The following LRBA variants were observed in gnomAD, a reference collection of about 807,000 sequenced individuals.
LRBA encodes lipopolysaccharide-responsive and beige-like anchor protein.
A neutral mutation model predicts 330.0 loss-of-function variants in LRBA; 176 were observed. That is an observed-to-expected ratio of 0.53 (90% CI 0.47 to 0.60). The LOEUF is 0.60. LRBA is among the 20% of genes least tolerant of loss of function. The pLI is 0.00. For missense variants in LRBA, 3,259 were observed against 3,444.8 expected (o/e 0.95, Z 1.35); for synonymous variants, 1,230 against 1,193.0 (o/e 1.03, Z -0.64).
chr4:150,464,265 T>C (rs557735650), intron 44 of LRBA, among the ~76,000 whole-genome samples: 4 of 152,208 alleles, frequency 2.6e-5, no homozygotes, highest in South Asian at 2.1e-4. Flanking sequence ...TATTCATATA[T>C]ATGTCATTCA....
rs528122763 is a variant in LRBA at position 150,351,431 on chromosome 4, T to C, written c.7195-1272A>G. Among the ~76,000 whole-genome samples, 17 of 152,298 alleles carry C rather than the reference T, an allele frequency of 1.1e-4. No homozygotes were observed. In the South Asian group the frequency reaches 1.4e-3, roughly 13 times the overall value. ...TAGGCCGGGCACGGTGGTTCATGCC[T>C]GTAATCCCAGCACTTTGGGAGGCTG... On this transcript the variant is annotated intron_variant, in intron 47 of 56. Transcript: ENST00000651943.
intron 28 of LRBA, chr4:150,840,400 C>T (rs1264387163): frequency 6.6e-6 from 1 of 152,190 alleles, no homozygotes; most frequent in African/African-American, 2.4e-5. Context: ...GAGAGACATG[C>T]AACTTTTCCT....
At chr4:150,719,451 T>G (rs187823507) in intron 36 of LRBA, among the ~76,000 whole-genome samples, 2 of 152,194 alleles carry the variant, frequency 1.3e-5, no homozygotes, top group Admixed American at 6.5e-5. Flanking sequence ...CAATTACATA[T>G]TTTTTCCTTC....
At chr4:150,523,265 A>G (rs1312663073) in intron 40 of LRBA, among the ~76,000 whole-genome samples, 1 of 152,082 alleles carries the variant, frequency 6.6e-6, no homozygotes, top group Non-Finnish European at 1.5e-5. Context: ...CTTAATCTCT[A>G]TTGTATTGGG....
At chr4:150,873,965 A>C (rs1753727715) in intron 17 of LRBA, among the ~76,000 whole-genome samples, 1 of 152,202 alleles carries the variant, frequency 6.6e-6, no homozygotes, top group Admixed American at 6.5e-5. Flanking sequence ...CTTAGTACAA[A>C]AACTTAACAG....
intron 17 of LRBA, 70 bp from the exon 18 acceptor site, chr4:150,872,825 A>G (rs1398326791): frequency 1.5e-6 from 1 of 670,152 alleles, no homozygotes; most frequent in Non-Finnish European, 2.5e-6. Context: ...TAAAATATAT[A>G]CTTTTCATAT....
intron 37 of LRBA, among the ~76,000 whole-genome samples, chr4:150,612,613 C>A (rs947432330): frequency 7.2e-5 from 11 of 152,124 alleles, no homozygotes; most frequent in African/African-American, 1.2e-4. Flanking sequence ...CATTTCATTT[C>A]TTCTGGTTCT....
chr4:150,569,215 T>G (rs947858327), intron 40 of LRBA, among the ~76,000 whole-genome samples: 4 of 152,048 alleles, frequency 2.6e-5, no homozygotes, highest in Non-Finnish European at 2.9e-5. Context: ...CTAAAGAGCC[T>G]TCAGATGTAA....
intron 40 of LRBA, among the ~76,000 whole-genome samples, chr4:150,513,652 T>C (rs1358989922): frequency 6.6e-6 from 1 of 152,190 alleles, no homozygotes; most frequent in Non-Finnish European, 1.5e-5. Context: ...AGGGCTCTCC[T>C]CCTGGCTTGC....
At chr4:150,296,892 T>C (rs1328729059) in intron 53 of LRBA, among the ~76,000 whole-genome samples, 1 of 152,108 alleles carries the variant, frequency 6.6e-6, no homozygotes, top group East Asian at 1.9e-4. Flanking sequence ...AATAATGTTA[T>C]GGACCACCCC....
chr4:150,893,569 C>T (rs1348364134), intron 16 of LRBA, among the ~76,000 whole-genome samples: 1 of 152,106 alleles, frequency 6.6e-6, no homozygotes, highest in Non-Finnish European at 1.5e-5. Flanking sequence ...AGGCTGGTCT[C>T]GAACTCTTGG....
At chr4:150,890,586 T>C (rs537764301) in intron 17 of LRBA, among the ~76,000 whole-genome samples, 10 of 152,204 alleles carry the variant, frequency 6.6e-5, no homozygotes, top group African/African-American at 2.2e-4. Context: ...AAGAGTAAGA[T>C]TGGAATTTAA....
At chr4:150,441,221 G>A (rs1055597063) in intron 44 of LRBA, among the ~76,000 whole-genome samples, 6 of 151,974 alleles carry the variant, frequency 3.9e-5, no homozygotes, top group African/African-American at 9.7e-5. Context: ...AGGAAAGACC[G>A]TGATTAAACA....
chr4:150,355,868 A>G (rs973018625), intron 47 of LRBA, among the ~76,000 whole-genome samples: 4 of 152,118 alleles, frequency 2.6e-5, no homozygotes, highest in African/African-American at 9.6e-5. Flanking sequence ...AGGCGGTAAT[A>G]TACAAAGTTA....
chr4:150,828,226 C>G lies in LRBA; in HGVS notation c.5125G>C (p.Gly1709Arg). The G allele has an allele frequency of 1.2e-6, 2 of 1,614,092 alleles. No homozygotes were observed. The highest frequency in any genetic ancestry group is 2.2e-5 in the South Asian group (2 of 91,082). ...LLPPACLGAL[G>R]DLSVEQPVQF... is the part of the protein sequence containing the mutation. ...ACGGGTTGTTCCACAGATAGATCAC[C>G]AAGGGCTCCAAGGCAGGCTGGTGGC... Residue 1709 changes from glycine to arginine, a missense_variant, in exon 30 of 57, where the codon GGT becomes CGT. Gly to Arg is a moderately radical substitution (Grantham distance 125). Transcript: ENST00000651943.
At chr4:150,318,553 A>C (rs1732035751) in intron 50 of LRBA, among the ~76,000 whole-genome samples, 1 of 147,914 alleles carries the variant, frequency 6.8e-6, no homozygotes, top group Non-Finnish European at 1.5e-5. Context: ...TAAAGGTAGC[A>C]AGAGATAGAA....
chr4:150,862,970 CTCTG>C (rs1253304029), intron 22 of LRBA, among the ~76,000 whole-genome samples: 2 of 151,152 alleles, frequency 1.3e-5, no homozygotes, highest in East Asian at 1.9e-4. Flanking sequence ...CAGAGCAAGA[CTCTG>C]TCTCATTTAA....
chr4:150,809,182 T>C (rs1425428169), intron 31 of LRBA, among the ~76,000 whole-genome samples: 1 of 152,184 alleles, frequency 6.6e-6, no homozygotes, highest in Non-Finnish European at 1.5e-5. Flanking sequence ...GGAAATAATA[T>C]GTGAATGACA....
chr4:150,832,926 C>A (rs1433845999), intron 28 of LRBA, among the ~76,000 whole-genome samples: 2 of 152,098 alleles, frequency 1.3e-5, no homozygotes, highest in Non-Finnish European at 2.9e-5. Context: ...TACACCACCA[C>A]ATCCAGCTAA....
Sources: gnomAD v4.1 joint callset for allele counts (sites outside exome capture counted in the v4.1 genomes callset) on GRCh38, gnomAD v4.1.1 for gene constraint, MANE v1.5 for transcripts, NCBI Gene and HGNC (gene_info 2026-07-23, HGNC 2026-07-21) for gene names.